The following PLCG1 variants were observed in gnomAD, a reference collection of about 807,000 sequenced individuals.
The protein encoded by PLCG1 is 1-phosphatidylinositol 4,5-bisphosphate phosphodiesterase gamma-1.
Under a neutral mutation model 177.8 loss-of-function variants are expected in PLCG1, and 71 were observed. That is an observed-to-expected ratio of 0.40 (90% CI 0.33 to 0.49). PLCG1 has a LOEUF of 0.49. Ranked by LOEUF, PLCG1 falls within the 20% of genes least tolerant of loss-of-function variation. The probability of loss-of-function intolerance (pLI) is 0.72; values close to 1 mark genes in which losing one functional copy is unlikely to be tolerated. For synonymous variants in PLCG1, 658 were observed against 647.9 expected (o/e 1.02, Z -0.24); for missense variants, 1,281 against 1,709.0 (o/e 0.75, Z 4.42).
chr20:41,174,029 G>T lies in PLCG1; in HGVS notation c.3645+18G>T. ...CTGCCAAGGTATCTGCAGCAGGGGT[G>T]GGCTGGCCTGGGGTAGGTGGGAGGA... On this transcript the variant is annotated intron_variant, in intron 30 of 31. Transcript: ENST00000685551. The surrounding 1 kb of genome is among the most constrained non-coding windows in gnomAD (Gnocchi z 5.8). 6.2e-7 allele frequency: 1 copy of T among 1,610,878 alleles called. No homozygotes were observed. The highest frequency in any genetic ancestry group is 8.5e-7 in the Non-Finnish European group (1 of 1,177,256).
rs991805447 is a variant in PLCG1 at position 41,164,296 on chromosome 20, C to A, written c.1217+95C>A. On this transcript the variant is annotated intron_variant, in intron 12 of 31. Transcript: ENST00000685551. The surrounding 1 kb of genome is among the most constrained non-coding windows in gnomAD (Gnocchi z 6.4). ...CAGAAAGACTCCTCAAATGCCCTGT[C>A]CCCTCTCCCTCAGCCTTTCATCTTT... 4 of 1,251,962 alleles carry A rather than the reference C, an allele frequency of 3.2e-6. No individual in the cohort carries two copies. The highest frequency in any genetic ancestry group is 2.3e-6 in the Non-Finnish European group (2 of 868,002). The allele number at this position is 1,251,962 out of a possible 1,614,324, so 77.6% of individuals were successfully genotyped here.
chr20:41,140,429 G>T (rs772760323), intron 1 of PLCG1, among the ~76,000 whole-genome samples: 1 of 152,188 alleles, frequency 6.6e-6, no homozygotes, highest in Non-Finnish European at 1.5e-5. Context: ...AGCACCTCAG[G>T]TATCTGGCCT....
At chr20:41,149,808 G>T (rs1376959822) in intron 1 of PLCG1, among the ~76,000 whole-genome samples, 1 of 152,192 alleles carries the variant, frequency 6.6e-6, no homozygotes, top group African/African-American at 2.4e-5. Context: ...AGGCAAGGTT[G>T]TGCAGGAGAA....
intron 1 of PLCG1, among the ~76,000 whole-genome samples, chr20:41,149,105 G>A (rs1381709973): frequency 2.0e-5 from 3 of 152,198 alleles, no homozygotes; most frequent in Non-Finnish European, 4.4e-5. Context: ...ATTAGTGTTA[G>A]GATGCCAGAT....
intron 24 of PLCG1, among the ~76,000 whole-genome samples, chr20:41,171,647 G>C (rs2035903159): frequency 6.6e-6 from 1 of 151,626 alleles, no homozygotes; most frequent in South Asian, 2.1e-4. Context: ...GGATGGGTTG[G>C]GGTGCTTGTA....
Position 41,174,822 on chromosome 20 carries a change from G to GGAGA in PLCG1, c.*319_*322dup. ...GCCAGGACCATGGCCGAAGCCCCTT[G>GGAGA]GAGAGAGAGGCTGCCTCAGCCAGTG... On this transcript the variant is annotated 3_prime_UTR_variant, in exon 32 of 32. Coordinates refer to ENST00000685551, the MANE Select transcript of PLCG1 (RefSeq NM_002660.3). This position sits in a 1 kb window ranked among gnomAD's most constrained non-coding sequence, Gnocchi z 5.8. 1 of 372,362 alleles carries GGAGA rather than the reference G, an allele frequency of 2.7e-6. No individual in the cohort carries two copies. Among genetic ancestry groups the GGAGA allele is most frequent in the Non-Finnish European group, 5.0e-6 (1 of 200,366 alleles). The allele number at this position is 372,362 out of a possible 1,614,324, so 23.1% of individuals were successfully genotyped here.
intron 20 of PLCG1, 80 bp from the exon 21 acceptor site, chr20:41,168,685 ATG>A (rs1290395160): frequency 1.2e-6 from 1 of 814,126 alleles, no homozygotes. Flanking sequence ...GCCCAAGCAC[ATG>A]TGTGTGTGCA....
At position 41,163,634 on chromosome 20, in the gene PLCG1, C is replaced by G; in HGVS notation, c.892-81C>G. 8.8e-7 allele frequency: 1 copy of G among 1,130,156 alleles called. No homozygotes were observed. The highest frequency in any genetic ancestry group is 1.3e-6 in the Non-Finnish European group (1 of 743,776). 70.0% of individuals were successfully genotyped at this position (1,130,156 alleles called of 1,614,324 possible). ...ACCCCCAGTTGGGACAGAGCACTCTCTCTCCTACCCCCAACCTACCATCTT... is the reference window on the plus strand; with the variant it reads ...ACCCCCAGTTGGGACAGAGCACTCTGTCTCCTACCCCCAACCTACCATCTT... On this transcript the variant is annotated intron_variant, in intron 9 of 31. Coordinates refer to ENST00000685551, the MANE Select transcript of PLCG1 (RefSeq NM_002660.3). This position sits in a 1 kb window ranked among gnomAD's most constrained non-coding sequence, Gnocchi z 5.2.
Position 41,173,347 on chromosome 20 carries a change from G to C in PLCG1, c.3280-73G>C. Reference sequence around the variant, plus strand: ...GCGCTGCCTCCACTCCACAGATGCTGACTGAGCCTCCGCAGTGGGGAATTG... The same window carrying C: ...GCGCTGCCTCCACTCCACAGATGCTCACTGAGCCTCCGCAGTGGGGAATTG... On this transcript the variant is annotated intron_variant, in intron 27 of 31. Coordinates refer to ENST00000685551, the MANE Select transcript of PLCG1 (RefSeq NM_002660.3). The surrounding 1 kb of genome is among the most constrained non-coding windows in gnomAD (Gnocchi z 6.2). 2 of 1,450,238 alleles carry C rather than the reference G, an allele frequency of 1.4e-6. No individual in the cohort carries two copies. Among genetic ancestry groups the C allele is most frequent in the Non-Finnish European group, 1.8e-6 (2 of 1,088,354 alleles). The allele number at this position is 1,450,238 out of a possible 1,614,324, so 89.8% of individuals were successfully genotyped here. A position where few individuals can be genotyped will look rare whatever the true frequency, so the allele number is the denominator to read the frequency against.
rs139858443 is a variant in PLCG1, at chr20:41,170,298, G to T, written c.2808+29G>T. The T allele has an allele frequency of 3.8e-5, 61 of 1,613,050 alleles. No individual in the cohort carries two copies. In the South Asian group the frequency reaches 5.8e-4, roughly 15 times the overall value. ...AGATTCTGCTGGAACCTTCTGGGGG[G>T]CAGTGTGTGGGCCCGTCAGGCAGCT... is the stretch of plus-strand genomic sequence containing the variant. On this transcript the variant is annotated intron_variant, in intron 24 of 31. Coordinates refer to ENST00000685551, the MANE Select transcript of PLCG1 (RefSeq NM_002660.3).
chr20:41,160,438 G>A lies in PLCG1; in HGVS notation c.512+285G>A, dbSNP rs1286251415. ...TTTGGGTGTCCTGGAGGTGAGGGTG[G>A]CCAGTAGCGTGTGAAGGGTGCCCTG... On this transcript the variant is annotated intron_variant, in intron 4 of 31. Coordinates refer to ENST00000685551, the MANE Select transcript of PLCG1 (RefSeq NM_002660.3). The surrounding 1 kb of genome is among the most constrained non-coding windows in gnomAD (Gnocchi z 5.5). Among the ~76,000 whole-genome samples the A allele has an allele frequency of 6.6e-6, 1 of 152,206 alleles. No individual in the cohort carries two copies. Among genetic ancestry groups the A allele is most frequent in the Non-Finnish European group, 1.5e-5 (1 of 68,028 alleles).
Position 41,165,690 on chromosome 20 carries a change from C to G in PLCG1, c.1663C>G (p.Leu555Val), listed in dbSNP as rs754195849. The G allele has an allele frequency of 6.2e-7, 1 of 1,613,994 alleles. No individual in the cohort carries two copies. The highest frequency in any genetic ancestry group is 1.7e-5 in the Admixed American group (1 of 60,018). ...HSNEKWFHGK[L>V]GAGRDGRHIA... ...CAATGAGAAGTGGTTCCATGGGAAGCTAGGGGCAGGGCGTGACGGGCGTCA... is the reference window on the plus strand; with the variant it reads ...CAATGAGAAGTGGTTCCATGGGAAGGTAGGGGCAGGGCGTGACGGGCGTCA... The change falls in exon 16 of 32, where the codon CTA becomes GTA. Residue 555 changes from leucine (L) to valine (V), a missense_variant. Coordinates refer to ENST00000685551, the MANE Select transcript of PLCG1 (RefSeq NM_002660.3). The surrounding 1 kb of genome is among the most constrained non-coding windows in gnomAD (Gnocchi z 6.6).
chr20:41,159,597 C>T lies in PLCG1; in HGVS notation c.218-9C>T, dbSNP rs1186117439. 1.9e-6 allele frequency: 3 copies of T among 1,613,206 alleles called. No homozygotes were observed. The East Asian group carries it at 6.7e-5, about 36-fold the overall frequency. On this transcript the variant is annotated splice_polypyrimidine_tract_variant and intron_variant, in intron 1 of 31. Transcript: ENST00000685551. This position sits in a 1 kb window ranked among gnomAD's most constrained non-coding sequence, Gnocchi z 6.0. ...CAGCTTGATCTTGGCCTCTTTGCTA[C>T]CTTCCTAGTTGACATTCGTGAAATT...
At chr20:41,161,596 C>T (rs960800378) in intron 4 of PLCG1, among the ~76,000 whole-genome samples, 3 of 152,122 alleles carry the variant, frequency 2.0e-5, no homozygotes, top group Non-Finnish European at 2.9e-5. Flanking sequence ...GAGGGGGCGC[C>T]TATATAGAGC....
In PLCG1 at chr20:41,137,756, T is replaced by C. The variant is rs937938614; in HGVS notation, c.115T>C (p.Tyr39His). 2.3e-6 allele frequency: 3 copies of C among 1,290,698 alleles called. No homozygotes were observed. Among genetic ancestry groups the C allele is most frequent in the Non-Finnish European group, 3.0e-6 (3 of 1,012,074 alleles). The allele number at this position is 1,290,698 out of a possible 1,614,324, so 80.0% of individuals were successfully genotyped here. Reference sequence around the variant, plus strand: ...GGTGGGCACCGTCATGACTTTGTTCTACTCCAAGAAGTCGCAGCGACCCGA... The same window carrying C: ...GGTGGGCACCGTCATGACTTTGTTCCACTCCAAGAAGTCGCAGCGACCCGA... ...LEVGTVMTLF[Y>H]SKKSQRPERK... Residue 39 changes from tyrosine (Y) to histidine (H), a missense_variant, in exon 1 of 32, where the codon TAC becomes CAC. By Grantham distance (83) the Tyr-to-His change is moderately conservative. Around this residue, in one of 4 missense-constraint regions of PLCG1, gnomAD observed 374 missense variants for 443.8 expected, o/e 0.84. Coordinates refer to ENST00000685551, the MANE Select transcript of PLCG1 (RefSeq NM_002660.3). This position sits in a 1 kb window ranked among gnomAD's most constrained non-coding sequence, Gnocchi z 7.3.
chr20:41,175,345 TGA>T lies in PLCG1; in HGVS notation c.*838_*839del, dbSNP rs1268159412. 6.6e-6 allele frequency: 1 copy of T among 151,908 alleles called. No homozygotes were observed. The highest frequency in any genetic ancestry group is 6.6e-5 in the Admixed American group (1 of 15,244). 9.4% of individuals were successfully genotyped at this position (151,908 alleles called of 1,614,324 possible). ...GAAGAAATAGCAGAGCCTATTTTGG[TGA>T]GGTTTTTTGTTTTTAAGTCAAAGAA... On this transcript the variant is annotated 3_prime_UTR_variant, in exon 32 of 32. Transcript: ENST00000685551.
At chr20:41,170,557 C>A in intron 24 of PLCG1, 1 of 338,692 alleles carries the variant, frequency 3.0e-6, no homozygotes, top group Non-Finnish European at 5.4e-6. Flanking sequence ...AAGTCCTGGG[C>A]TGGAAGCAGG....
intron 1 of PLCG1, among the ~76,000 whole-genome samples, chr20:41,152,598 G>C (rs775400495): frequency 1.3e-5 from 2 of 152,212 alleles, no homozygotes; most frequent in Non-Finnish European, 2.9e-5. Context: ...GGCCTTTGCT[G>C]CCTGTTAGAT....
chr20:41,137,831 C>CG lies in PLCG1; in HGVS notation c.194dup (p.Ala66ArgfsTer9). On this transcript the variant is annotated frameshift_variant, in exon 1 of 32. Coordinates refer to ENST00000685551, the MANE Select transcript of PLCG1 (RefSeq NM_002660.3). LOFTEE classifies it high-confidence loss of function. This position sits in a 1 kb window ranked among gnomAD's most constrained non-coding sequence, Gnocchi z 7.3. ...GGAGACGCGCCAGATCACGTGGAGCCGGGGCGCCGACAAGATCGAGGGGGC... is the reference window on the plus strand; with the variant it reads ...GGAGACGCGCCAGATCACGTGGAGCCGGGGGCGCCGACAAGATCGAGGGGGC... The CG allele has an allele frequency of 1.5e-6, 2 of 1,296,208 alleles. No individual in the cohort carries two copies. Among genetic ancestry groups the CG allele is most frequent in the Non-Finnish European group, 2.0e-6 (2 of 1,014,772 alleles). 80.3% of individuals were successfully genotyped at this position (1,296,208 alleles called of 1,614,324 possible).
Sources: gnomAD v4.1 joint callset for allele counts (sites outside exome capture counted in the v4.1 genomes callset) on GRCh38, gnomAD v4.1.1 for gene constraint, gnomAD v4.1.1 regional missense constraint, Gnocchi (gnomAD v3.1) non-coding constraint, MANE v1.5 for transcripts, NCBI Gene and HGNC (gene_info 2026-07-23, HGNC 2026-07-21) for gene names.